Variants in GLG1 observed in about 807,000 individuals in gnomAD.
GLG1 encodes Golgi apparatus protein 1.
In GLG1, 38 loss-of-function variants were observed where a neutral mutation model predicts 160.5. The ratio of observed to expected loss-of-function variants is 0.24; its 90% CI spans 0.18 to 0.31. The LOEUF is 0.31. GLG1 is among the 10% of genes least tolerant of loss of function. The pLI is 1.00. For synonymous variants in GLG1, 644 were observed against 543.4 expected, an observed-to-expected ratio of 1.19 and a Z score of -2.57; for missense variants, 1,373 against 1,505.2, an observed-to-expected ratio of 0.91 and a Z score of 1.45.
rs1381524802 is a variant in GLG1, at chr16:74,524,446, G to C, written c.471+7675C>G. ...ATTAAATAAATTCCCTTCTAGGGTGGGTGCTAAAATTGGAAATTTGAATGC... is the reference window on the plus strand; with the variant it reads ...ATTAAATAAATTCCCTTCTAGGGTGCGTGCTAAAATTGGAAATTTGAATGC... On this transcript the variant is annotated intron_variant, in intron 2 of 25. Coordinates refer to ENST00000422840, the MANE Select transcript of GLG1 (RefSeq NM_001145667.2). Among the ~76,000 whole-genome samples, 3 of 151,792 alleles carry C rather than the reference G, an allele frequency of 2.0e-5. No individual in the cohort carries two copies. The East Asian group carries it at 5.8e-4, about 29-fold the overall frequency.
In GLG1 at chr16:74,452,116, T is replaced by C; in HGVS notation, c.*1051A>G. On this transcript the variant is annotated 3_prime_UTR_variant, in exon 26 of 26. Coordinates refer to ENST00000422840, the MANE Select transcript of GLG1 (RefSeq NM_001145667.2). ...CTAAACCTTTATAAGCCATTGTCTC[T>C]GACCTGTATTGTAGCCTGAAAAATA... 6.2e-7 allele frequency: 1 copy of C among 1,614,064 alleles called. No homozygotes were observed. Among genetic ancestry groups the C allele is most frequent in the Non-Finnish European group, 8.5e-7 (1 of 1,179,912 alleles).
At chr16:74,572,865 T>C (rs774414019) in intron 1 of GLG1, among the ~76,000 whole-genome samples, 7 of 152,178 alleles carry the variant, frequency 4.6e-5, no homozygotes, top group Non-Finnish European at 8.8e-5. Context: ...AAACCTGTGT[T>C]TGAAACTGGC....
rs768217920 is a variant in GLG1, at chr16:74,558,735, C to T, written c.439-26582G>A. On this transcript the variant is annotated intron_variant, in intron 1 of 25. Transcript: ENST00000422840. ...TCCTATATTAACTATTTTGACCCTACGAGTTTCATGGTGGATTAGAATAGT... is the reference window on the plus strand; with the variant it reads ...TCCTATATTAACTATTTTGACCCTATGAGTTTCATGGTGGATTAGAATAGT... Among the ~76,000 whole-genome samples, 3 of 152,150 alleles carry T rather than the reference C, an allele frequency of 2.0e-5. No homozygotes were observed. In the East Asian group the frequency reaches 5.8e-4, roughly 29 times the overall value.
intron 2 of GLG1, among the ~76,000 whole-genome samples, chr16:74,529,248 C>T (rs1373520705): frequency 3.9e-5 from 6 of 152,056 alleles, no homozygotes; most frequent in Non-Finnish European, 7.4e-5. Context: ...GGATTACAGG[C>T]GTGAACCACC....
At chr16:74,566,384 C>A (rs1315986987) in intron 1 of GLG1, among the ~76,000 whole-genome samples, 10 of 152,192 alleles carry the variant, frequency 6.6e-5, no homozygotes, top group Non-Finnish European at 1.5e-4. Context: ...CAAGCCAGTT[C>A]TTTCTACCAC....
At chr16:74,567,136 T>C (rs1455677453) in intron 1 of GLG1, among the ~76,000 whole-genome samples, 1 of 151,710 alleles carries the variant, frequency 6.6e-6, no homozygotes, top group East Asian at 1.9e-4. Context: ...AAATCTTGAA[T>C]AAAATTACAT....
At chr16:74,483,881 G>A (rs948627451) in intron 9 of GLG1, among the ~76,000 whole-genome samples, 6 of 152,062 alleles carry the variant, frequency 3.9e-5, no homozygotes, top group South Asian at 2.1e-4. Flanking sequence ...GGATGGTCTC[G>A]ATCTCCTGAC....
At chr16:74,456,420 A>G in intron 25 of GLG1, 1 of 472,078 alleles carries the variant, frequency 2.1e-6, no homozygotes, top group East Asian at 4.3e-5. Flanking sequence ...TCGGCCTCCC[A>G]AAACGCTGAG....
intron 1 of GLG1, among the ~76,000 whole-genome samples, chr16:74,542,404 A>G (rs954049454): frequency 2.0e-5 from 3 of 152,114 alleles, no homozygotes; most frequent in Non-Finnish European, 4.4e-5. Flanking sequence ...GCGGTGGCTC[A>G]CGTCTGTAAT....
At chr16:74,513,887 C>T (rs2016891776) in intron 2 of GLG1, among the ~76,000 whole-genome samples, 1 of 152,038 alleles carries the variant, frequency 6.6e-6, no homozygotes, top group Admixed American at 6.6e-5. Context: ...AAGCTAAAAA[C>T]CTTGAAAAAA....
chr16:74,485,815 T>A lies in GLG1; in HGVS notation c.1552A>T (p.Ile518Leu). The A allele has an allele frequency of 6.2e-7, 1 of 1,613,394 alleles. No homozygotes were observed. Among genetic ancestry groups the A allele is most frequent in the Non-Finnish European group, 8.5e-7 (1 of 1,179,386 alleles). ...ACTTACATTGGGTCTCCAGATCTTA[T>A]ATGTTTGCAGGCTGTCTGGATTACA... ...ESVIQTACKH[I>L]RSGDPMILSC... Residue 518 changes from isoleucine to leucine, a missense_variant, in exon 9 of 26, where the codon ATA (isoleucine) becomes TTA (leucine). By Grantham distance (5) the Ile-to-Leu change is conservative. This residue lies in a region of GLG1 where 386 missense variants were observed against 388.5 expected (regional missense o/e 0.99). Transcript: ENST00000422840.
At chr16:74,565,628 C>T (rs1413715004) in intron 1 of GLG1, among the ~76,000 whole-genome samples, 1 of 152,212 alleles carries the variant, frequency 6.6e-6, no homozygotes, top group Admixed American at 6.5e-5. Context: ...ACCTCACTTC[C>T]TTTCCTGTAT....
intron 1 of GLG1, among the ~76,000 whole-genome samples, chr16:74,599,752 T>G (rs576140385): frequency 1.3e-5 from 2 of 152,060 alleles, no homozygotes; most frequent in South Asian, 4.2e-4. Context: ...TAGTCCCAGC[T>G]ACTCGGGAGG....
chr16:74,602,703 A>C (rs1958467900), intron 1 of GLG1, among the ~76,000 whole-genome samples: 1 of 151,918 alleles, frequency 6.6e-6, no homozygotes, highest in South Asian at 2.1e-4. Context: ...AAATCGCTTG[A>C]ACTCGGGAGG....
At chr16:74,531,528 T>C (rs561475945) in intron 2 of GLG1, among the ~76,000 whole-genome samples, 28 of 151,934 alleles carry the variant, frequency 1.8e-4, no homozygotes, top group Non-Finnish European at 3.4e-4. Context: ...GGATTCTCCA[T>C]GTTGGCTGGG....
At chr16:74,548,970 A>G (rs2018124359) in intron 1 of GLG1, among the ~76,000 whole-genome samples, 1 of 152,156 alleles carries the variant, frequency 6.6e-6, no homozygotes, top group African/African-American at 2.4e-5. Flanking sequence ...CACTCCAGCC[A>G]GGGTGACAGA....
chr16:74,577,307 A>G (rs1036074844), intron 1 of GLG1, among the ~76,000 whole-genome samples: 5 of 152,248 alleles, frequency 3.3e-5, no homozygotes, highest in Non-Finnish European at 7.4e-5. Context: ...GGATCACCCA[A>G]GGTCAGGAGT....
intron 1 of GLG1, among the ~76,000 whole-genome samples, chr16:74,566,791 G>C (rs1325217099): frequency 6.6e-6 from 1 of 152,124 alleles, no homozygotes; most frequent in African/African-American, 2.4e-5. Context: ...ATAAATATCT[G>C]ATGGGAAGTA....
At chr16:74,589,040 G>C (rs947715681) in intron 1 of GLG1, among the ~76,000 whole-genome samples, 1 of 151,428 alleles carries the variant, frequency 6.6e-6, no homozygotes, top group African/African-American at 2.4e-5. Flanking sequence ...TCAGGAGTTC[G>C]AGACCAGCCT....
Sources: allele counts gnomAD v4.1 joint callset (sites outside exome capture counted in the v4.1 genomes callset), GRCh38; gene constraint gnomAD v4.1.1; regional missense constraint gnomAD v4.1.1; transcripts MANE v1.5; gene names NCBI Gene and HGNC (gene_info 2026-07-23, HGNC 2026-07-21).